The following ZNF518A variants were observed in gnomAD, a reference collection of about 807,000 sequenced individuals.
ZNF518A encodes the protein zinc finger protein 518A.
In ZNF518A, 47 loss-of-function variants were observed where a neutral mutation model predicts 102.7. That is an observed-to-expected ratio of 0.46 (90% CI 0.36 to 0.58). ZNF518A has a LOEUF of 0.58. Among genes scored for constraint, ZNF518A ranks in the 20% least tolerant of loss-of-function variants. The pLI is 0.00. For synonymous variants in ZNF518A, 652 were observed against 594.6 expected (o/e 1.10, Z -1.40); for missense variants, 1,793 against 1,699.8 (o/e 1.05, Z -0.96).
In ZNF518A at chr10:96,200,857, A is replaced by C; in HGVS notation, n.36-2717A>C. The C allele has an allele frequency of 1.1e-6, 1 of 914,478 alleles. No individual in the cohort carries two copies. Among genetic ancestry groups the C allele is most frequent in the Non-Finnish European group, 1.8e-6 (1 of 549,162 alleles). 56.6% of individuals were successfully genotyped at this position (914,478 alleles called of 1,614,324 possible). A position where few individuals can be genotyped will look rare whatever the true frequency, so the allele number is the denominator to read the frequency against. ...TGTCCCTATTACCAAATGACAGTTC[A>C]CATAATGATGTAAAATACAGTCTCT... On this transcript the variant is annotated intron_variant and non_coding_transcript_variant, in intron 1 of 2. Transcript: ENST00000442635. This position sits in a 1 kb window ranked among gnomAD's most constrained non-coding sequence, Gnocchi z 4.3.
intron 1 of ZNF518A, among the ~76,000 whole-genome samples, chr10:96,196,311 C>T (rs2083463826): frequency 6.6e-6 from 1 of 152,140 alleles, no homozygotes; most frequent in South Asian, 2.1e-4. Flanking sequence ...TTTCAGGGTT[C>T]ATTTATAGGA....
At chr10:96,140,998 A>C (rs2081896566) in intron 3 of ZNF518A, among the ~76,000 whole-genome samples, 3 of 152,194 alleles carry the variant, frequency 2.0e-5, no homozygotes, top group African/African-American at 7.2e-5. Context: ...TTTTAAACCA[A>C]GTTCCAAATT....
chr10:96,204,510 C>A, downstream of ZNF518A: 1 of 1,611,796 alleles, frequency 6.2e-7, no homozygotes, highest in Non-Finnish European at 8.5e-7. Context: ...GGAAACTGAT[C>A]TTTAAAGGAA....
intron 1 of ZNF518A, among the ~76,000 whole-genome samples, chr10:96,180,283 CA>C (rs2083232120): frequency 6.6e-6 from 1 of 150,548 alleles, no homozygotes; most frequent in Non-Finnish European, 1.5e-5. Flanking sequence ...CTTAGCCTCC[CA>C]AAGTGCTATA....
At position 96,159,780 on chromosome 10, in the gene ZNF518A, A is replaced by G; in HGVS notation, c.3458A>G (p.Asn1153Ser). ...ILLKIFNPVL[N>S]VTAANNLSVS... ...CTGAAAATTTTTAACCCTGTTTTAA[A>G]TGTGACTGCTGCTAATAATCTGTCA... is the stretch of plus-strand genomic sequence containing the variant. Residue 1153 changes from asparagine to serine, a missense_variant, in exon 6 of 6, where the codon AAT becomes AGT. By Grantham distance (46) the Asn-to-Ser change is conservative. Transcript: ENST00000316045. 4 of 1,613,680 alleles carry G rather than the reference A, an allele frequency of 2.5e-6. No homozygotes were observed. The highest frequency in any genetic ancestry group is 3.4e-6 in the Non-Finnish European group (4 of 1,179,792).
chr10:96,162,167 A>T lies in ZNF518A; in HGVS notation c.*1393A>T, dbSNP rs1554888450. 82 of 167,034 alleles carry T rather than the reference A, an allele frequency of 4.9e-4. No individual in the cohort carries two copies. The allele number at this position is 167,034 out of a possible 1,614,324, so 10.3% of individuals were successfully genotyped here. ...TGTATATAACAAATTAAGTCTGTAC[A>T]TATTTTTGTACCTTTTATGTAAATT... is the stretch of plus-strand genomic sequence containing the variant. On this transcript the variant is annotated 3_prime_UTR_variant, in exon 6 of 6. Coordinates refer to ENST00000316045, the MANE Select transcript of ZNF518A (RefSeq NM_001330736.2).
At chr10:96,171,333 C>T (rs1211911135) in intron 1 of ZNF518A, among the ~76,000 whole-genome samples, 3 of 152,114 alleles carry the variant, frequency 2.0e-5, no homozygotes, top group African/African-American at 7.2e-5. Flanking sequence ...TATATCTATA[C>T]AATTGAATAT....
Position 96,175,877 on chromosome 10 carries a change from CCCTTCCTTCCTTCCTT to C in ZNF518A, n.35+19875_35+19890del, listed in dbSNP as rs782226974. ...GTATTCCCTCCCTGCCTCCCTCCCT[CCCTTCCTTCCTTCCTT>C]CCTTCCTTCCTTCCTTCCTTCCTTC... On this transcript the variant is annotated intron_variant and non_coding_transcript_variant, in intron 1 of 2. Coordinates refer to the ZNF518A transcript ENST00000442635. 8.0e-3 allele frequency among the ~76,000 whole-genome samples: 398 copies of C among 49,778 alleles called. 10 individuals are homozygous for C. The highest frequency in any genetic ancestry group is 0.035 in the South Asian group (44 of 1,264). 32.7% of individuals were successfully genotyped at this position (49,778 alleles called of 152,430 possible). A position where few individuals can be genotyped will look rare whatever the true frequency, so the allele number is the denominator to read the frequency against.
rs1188190751 is a variant in ZNF518A at position 96,130,561 on chromosome 10, C to T, written c.-644C>T. 6.6e-6 allele frequency: 1 copy of T among 152,380 alleles called. No individual in the cohort carries two copies. Among genetic ancestry groups the T allele is most frequent in the Non-Finnish European group, 1.5e-5 (1 of 68,156 alleles). 9.4% of individuals were successfully genotyped at this position (152,380 alleles called of 1,614,324 possible). On this transcript the variant is annotated 5_prime_UTR_variant, in exon 1 of 6. Transcript: ENST00000316045. The stretch of plus-strand genomic sequence containing the variant: ...AGCTGGGCGCGCGGCGCTCGAAGCA[C>T]TCACTCGGCGGGTTTCGTGGTTGGT...
chr10:96,191,060 ATGT>A (rs2083320699), intron 1 of ZNF518A, among the ~76,000 whole-genome samples: 1 of 152,026 alleles, frequency 6.6e-6, no homozygotes, highest in South Asian at 2.1e-4. Flanking sequence ...AGGTTTTCCC[ATGT>A]TGTTGTGATA....
At chr10:96,198,882 A>G (rs993124426) in intron 1 of ZNF518A, among the ~76,000 whole-genome samples, 1 of 152,166 alleles carries the variant, frequency 6.6e-6, no homozygotes, top group Non-Finnish European at 1.5e-5. Flanking sequence ...TATTTTCAGT[A>G]GAGATGAGGT....
rs1262124631 is a variant in ZNF518A at position 96,132,626 on chromosome 10, T to C, written c.-412T>C. Reference sequence around the variant, plus strand: ...TTGATCACTGTTCCTGATTGTGACATTGTGCAAGTGTTAAATTGTGTGCCT... The same window carrying C: ...TTGATCACTGTTCCTGATTGTGACACTGTGCAAGTGTTAAATTGTGTGCCT... On this transcript the variant is annotated 5_prime_UTR_variant, in exon 2 of 6. Coordinates refer to ENST00000316045, the MANE Select transcript of ZNF518A (RefSeq NM_001330736.2). 2 of 152,042 alleles carry C rather than the reference T, an allele frequency of 1.3e-5. No individual in the cohort carries two copies. Among genetic ancestry groups the C allele is most frequent in the Non-Finnish European group, 2.9e-5 (2 of 67,974 alleles). 9.4% of individuals were successfully genotyped at this position (152,042 alleles called of 1,614,324 possible). A position where few individuals can be genotyped will look rare whatever the true frequency, so the allele number is the denominator to read the frequency against.
chr10:96,165,236 G>A (rs1453126466), downstream of ZNF518A, among the ~76,000 whole-genome samples: 1 of 152,112 alleles, frequency 6.6e-6, no homozygotes, highest in Admixed American at 6.5e-5. Flanking sequence ...TACCGCTCCT[G>A]TAGTGGGATT....
intron 3 of ZNF518A, among the ~76,000 whole-genome samples, chr10:96,137,282 G>C (rs1236981932): frequency 2.0e-5 from 3 of 151,926 alleles, no homozygotes; most frequent in African/African-American, 4.8e-5. Context: ...ATTTTTACTA[G>C]ATCATTTTAA....
At chr10:96,204,595 C>T (rs782275274), downstream of ZNF518A, 13 of 1,613,774 alleles carry the variant, frequency 8.1e-6, no homozygotes, top group African/African-American at 2.7e-5. Context: ...CCCTCGGTGG[C>T]GTTCAGCAGG....
chr10:96,141,795 G>C (rs1299884176), intron 3 of ZNF518A, among the ~76,000 whole-genome samples: 5 of 145,008 alleles, frequency 3.4e-5, no homozygotes, highest in African/African-American at 1.3e-4. Context: ...TTGGTCTGGA[G>C]TGCAGTGGTG....
Position 96,142,289 on chromosome 10 carries a change from A to G in ZNF518A, c.-302+8641A>G, listed in dbSNP as rs587747905. ...GGGCACTAAAATAGATTCTGCTTTG[A>G]AAGTAATATTCTTAGGGTGTGTGTG... On this transcript the variant is annotated intron_variant, in intron 3 of 5. Coordinates refer to ENST00000316045, the MANE Select transcript of ZNF518A (RefSeq NM_001330736.2). Among the ~76,000 whole-genome samples, 22 of 149,896 alleles carry G rather than the reference A, an allele frequency of 1.5e-4. No individual in the cohort carries two copies. In the South Asian group the frequency reaches 4.2e-3, roughly 29 times the overall value.
At chr10:96,189,369 C>T (rs1181824509) in intron 1 of ZNF518A, 1 of 569,470 alleles carries the variant, frequency 1.8e-6, no homozygotes, top group South Asian at 1.4e-5. Context: ...TCTAAAGAGA[C>T]TTCCTCCACT....
chr10:96,153,662 C>T (rs1485722970), intron 3 of ZNF518A, among the ~76,000 whole-genome samples: 2 of 152,132 alleles, frequency 1.3e-5, no homozygotes, highest in African/African-American at 2.4e-5. Context: ...CTCTTTTATC[C>T]TTACTGTTAT....
Sources: gnomAD v4.1 joint callset for allele counts (sites outside exome capture counted in the v4.1 genomes callset) on GRCh38, gnomAD v4.1.1 for gene constraint, Gnocchi (gnomAD v3.1) non-coding constraint, MANE v1.5 for transcripts, NCBI Gene and HGNC (gene_info 2026-07-23, HGNC 2026-07-21) for gene names.